The following TTC28 variants were observed in gnomAD, a reference collection of about 807,000 sequenced individuals.
TTC28 encodes the protein tetratricopeptide repeat protein 28.
A neutral mutation model predicts 198.0 loss-of-function variants in TTC28; 61 were observed. That is an observed-to-expected ratio of 0.31 (90% CI 0.25 to 0.38). The LOEUF is 0.38. TTC28 is among the 10% of genes least tolerant of loss of function. TTC28 has a pLI of 1.00. For missense variants in TTC28, 2,678 were observed against 3,164.0 expected (o/e 0.85, Z 3.69); for synonymous variants, 1,171 against 1,297.8 (o/e 0.90, Z 2.10).
chr22:28,207,556 TTTC>T (rs1926533542), intron 5 of TTC28, among the ~76,000 whole-genome samples: 1 of 152,168 alleles, frequency 6.6e-6, no homozygotes, highest in Non-Finnish European at 1.5e-5. Context: ...ACTCTTACAG[TTTC>T]TTAACTATGT....
At chr22:28,535,210 T>C (rs1206553305) in intron 2 of TTC28, among the ~76,000 whole-genome samples, 1 of 152,212 alleles carries the variant, frequency 6.6e-6, no homozygotes, top group Non-Finnish European at 1.5e-5. Flanking sequence ...GGCAACCATA[T>C]AGCTTTTGTT....
rs1937101079 is a variant in TTC28, at chr22:27,983,658, G to C, written c.6009C>G (p.Ser2003Arg). 1.3e-6 allele frequency: 2 copies of C among 1,545,248 alleles called. No individual in the cohort carries two copies. The highest frequency in any genetic ancestry group is 1.7e-6 in the Non-Finnish European group (2 of 1,144,070). The change falls in exon 23 of 23, where the codon AGC becomes AGG. Residue 2003 changes from serine to arginine, a missense_variant. Ser to Arg is a moderately radical substitution (Grantham distance 110, BLOSUM62 -1). This residue lies in a region of TTC28 where 622 missense variants were observed against 656.0 expected (regional missense o/e 0.95). Transcript: ENST00000397906. ...ATCCACCCTCGGGTTTGGAGACAAA[G>C]CTCATTGAGGAGGCAATGGAGCTCA... Reference protein sequence around the residue: ...YSLSSIASSMSFVSKPEGGSE... With the variant: ...YSLSSIASSMRFVSKPEGGSE...
intron 1 of TTC28, among the ~76,000 whole-genome samples, chr22:28,645,351 C>CG (rs57450864): frequency 0.14 from 20,734 of 151,440 alleles, 1,662 homozygotes; most frequent in African/African-American, 0.2. Context: ...TAATTCAGGC[C>CG]GGCGCGGTAG....
At chr22:28,540,588 T>C (rs950971651) in intron 2 of TTC28, among the ~76,000 whole-genome samples, 11 of 152,214 alleles carry the variant, frequency 7.2e-5, no homozygotes, top group African/African-American at 2.7e-4. Flanking sequence ...TCTAATACTT[T>C]AATACTGTTT....
chr22:28,647,995 C>G (rs920859397), intron 1 of TTC28, among the ~76,000 whole-genome samples: 2 of 149,476 alleles, frequency 1.3e-5, no homozygotes, highest in Admixed American at 1.3e-4. Flanking sequence ...GAGGCCGAGG[C>G]GGGCGGATCA....
chr22:28,283,567 A>G (rs2044625275), intron 5 of TTC28, among the ~76,000 whole-genome samples: 1 of 152,150 alleles, frequency 6.6e-6, no homozygotes, highest in South Asian at 2.1e-4. Flanking sequence ...AAAGTCAAAA[A>G]TAGTCTTTTC....
At chr22:28,499,943 G>A (rs180733482) in intron 2 of TTC28, among the ~76,000 whole-genome samples, 1 of 152,190 alleles carries the variant, frequency 6.6e-6, no homozygotes, top group Non-Finnish European at 1.5e-5. Flanking sequence ...GTTGTGAACA[G>A]TCACTATACT....
At chr22:28,296,727 T>C (rs986165050) in intron 4 of TTC28, among the ~76,000 whole-genome samples, 1 of 152,204 alleles carries the variant, frequency 6.6e-6, no homozygotes, top group African/African-American at 2.4e-5. Context: ...TTTACAAGTA[T>C]GCTGGTGGTA....
intron 15 of TTC28, chr22:28,001,132 T>TA (rs1281504412): frequency 8.4e-6 from 4 of 478,140 alleles, no homozygotes; most frequent in South Asian, 6.1e-5. Context: ...CAAAGAAACT[T>TA]AGACATGACA....
At chr22:28,014,726 C>A (rs1938293244) in intron 13 of TTC28, among the ~76,000 whole-genome samples, 1 of 152,196 alleles carries the variant, frequency 6.6e-6, no homozygotes, top group Non-Finnish European at 1.5e-5. Context: ...ACGTGAGGAC[C>A]ATTAGGAATC....
At chr22:28,093,268 A>G (rs1332979393) in intron 12 of TTC28, among the ~76,000 whole-genome samples, 2 of 152,220 alleles carry the variant, frequency 1.3e-5, no homozygotes, top group Non-Finnish European at 2.9e-5. Context: ...AGCATCTCTA[A>G]ATAAATCACA....
chr22:28,525,306 C>G (rs1302517454), intron 2 of TTC28, among the ~76,000 whole-genome samples: 2 of 152,076 alleles, frequency 1.3e-5, no homozygotes, highest in Non-Finnish European at 2.9e-5. Flanking sequence ...GTGCACATTA[C>G]CACATCTGGC....
At chr22:28,249,419 T>C (rs1015594150) in intron 5 of TTC28, among the ~76,000 whole-genome samples, 1 of 152,184 alleles carries the variant, frequency 6.6e-6, no homozygotes, top group Non-Finnish European at 1.5e-5. Flanking sequence ...ATCTTAGGAA[T>C]AGGTAGAACA....
At chr22:28,090,611 T>A (rs1012771560) in intron 12 of TTC28, among the ~76,000 whole-genome samples, 1 of 152,212 alleles carries the variant, frequency 6.6e-6, no homozygotes, top group African/African-American at 2.4e-5. Flanking sequence ...TTTTTTATAC[T>A]ATTGGCAAAT....
At chr22:28,043,008 G>A (rs1939715810) in intron 12 of TTC28, among the ~76,000 whole-genome samples, 1 of 152,036 alleles carries the variant, frequency 6.6e-6, no homozygotes, top group Non-Finnish European at 1.5e-5. Flanking sequence ...CACTTTGGGA[G>A]GCCAAGGCAG....
intron 2 of TTC28, among the ~76,000 whole-genome samples, chr22:28,397,459 C>A (rs1203137602): frequency 6.6e-6 from 1 of 152,206 alleles, no homozygotes; most frequent in Admixed American, 6.5e-5. Context: ...TGAAACCATA[C>A]ATAATGTTGC....
intron 2 of TTC28, among the ~76,000 whole-genome samples, chr22:28,583,623 G>A (rs2050264658): frequency 1.3e-5 from 2 of 152,060 alleles, no homozygotes; most frequent in South Asian, 4.1e-4. Context: ...TTTCAATATG[G>A]ACCATCTTGC....
At chr22:28,429,700 C>CT (rs2047404331) in intron 2 of TTC28, among the ~76,000 whole-genome samples, 1 of 152,114 alleles carries the variant, frequency 6.6e-6, no homozygotes, top group Non-Finnish European at 1.5e-5. Flanking sequence ...CTGTCTTAAC[C>CT]TACACATGGC....
At chr22:28,023,754 T>A (rs989140253) in intron 13 of TTC28, among the ~76,000 whole-genome samples, 3 of 152,096 alleles carry the variant, frequency 2.0e-5, no homozygotes, top group African/African-American at 7.2e-5. Context: ...GGGAGTTAGA[T>A]GGATGAGGGC....
Sources: gnomAD v4.1 joint callset for allele counts (sites outside exome capture counted in the v4.1 genomes callset) on GRCh38, gnomAD v4.1.1 for gene constraint, gnomAD v4.1.1 regional missense constraint, MANE v1.5 for transcripts, NCBI Gene and HGNC (gene_info 2026-07-23, HGNC 2026-07-21) for gene names.